The following TNFAIP8L3 variants were observed in gnomAD, a reference collection of about 807,000 sequenced individuals.
TNFAIP8L3 encodes TNF alpha induced protein 8 like 3, also known as tumor necrosis factor alpha-induced protein 8-like protein 3.
A neutral mutation model predicts 11.8 loss-of-function variants in TNFAIP8L3; 7 were observed. That is an observed-to-expected ratio of 0.59 (90% confidence interval 0.34 to 1.11). TNFAIP8L3 has a LOEUF of 1.11. TNFAIP8L3 is among the 50% of genes most tolerant of loss of function. The pLI, the probability that TNFAIP8L3 is intolerant of heterozygous loss-of-function variation, is 0.03. For synonymous variants in TNFAIP8L3, 98 were observed against 103.8 expected (o/e 0.94, Z 0.34); for missense variants, 219 against 258.6 (o/e 0.85, Z 1.05).
chr15:51,058,044 C>G lies in TNFAIP8L3; in HGVS notation c.452G>C (p.Arg151Pro), dbSNP rs149611843. The stretch of plus-strand genomic sequence containing the variant: ...CCCGTGGGTCCTGGGCGTCAGGTGC[C>G]GCTGCACCAGTTCATGCACCAGGTC... ...CKDLVHELVQ[R>P]HLTPRTHGRI... Residue 151 changes from arginine (R) to proline (P), a missense_variant, in exon 2 of 2, where the codon CGG (arginine) becomes CCG (proline). By Grantham distance (103) the Arg-to-Pro change is moderately radical. Coordinates refer to ENST00000637513, the MANE Select transcript of TNFAIP8L3 (RefSeq NM_001311175.2). The G allele has an allele frequency of 6.2e-7, 1 of 1,613,954 alleles. No individual in the cohort carries two copies. The highest frequency in any genetic ancestry group is 8.5e-7 in the Non-Finnish European group (1 of 1,180,008).
At chr15:51,072,209 C>T (rs949519658) in intron 1 of TNFAIP8L3, among the ~76,000 whole-genome samples, 1 of 152,058 alleles carries the variant, frequency 6.6e-6, no homozygotes, top group South Asian at 2.1e-4. Context: ...GGCACGATCT[C>T]GGCTCACCGC....
At position 51,058,343 on chromosome 15, in the gene TNFAIP8L3, G is replaced by T; in HGVS notation, c.153C>A (p.Asp51Glu). ...GCTCATCAAAGATCTCGCTGCTGGT[G>T]TCATCAATCAACATGTTGGCCACAG... Reference protein sequence around the residue: ...SKTVANMLIDDTSSEIFDELY... With the variant: ...SKTVANMLIDETSSEIFDELY... The change falls in exon 2 of 2, where the codon GAC (aspartate) becomes GAA (glutamate). Residue 51 changes from aspartate to glutamate, a missense_variant. Asp to Glu is a conservative substitution (Grantham distance 45). Coordinates refer to ENST00000637513, the MANE Select transcript of TNFAIP8L3 (RefSeq NM_001311175.2). The T allele has an allele frequency of 6.2e-7, 1 of 1,614,136 alleles. No individual in the cohort carries two copies. Among genetic ancestry groups the T allele is most frequent in the Non-Finnish European group, 8.5e-7 (1 of 1,180,042 alleles).
intron 1 of TNFAIP8L3, among the ~76,000 whole-genome samples, chr15:51,068,266 C>T (rs1397399779): frequency 1.3e-5 from 2 of 152,096 alleles, no homozygotes; most frequent in African/African-American, 2.4e-5. Flanking sequence ...GAGGTGCCAC[C>T]AACTGAAATG....
intron 1 of TNFAIP8L3, among the ~76,000 whole-genome samples, chr15:51,064,337 A>G (rs191417383): frequency 1.2e-3 from 176 of 152,318 alleles, no homozygotes; most frequent in Non-Finnish European, 1.6e-3. Context: ...GTAGATGACA[A>G]TATATCATGG....
chr15:51,092,238 A>C (rs2140981516), intron 1 of TNFAIP8L3, among the ~76,000 whole-genome samples: 1 of 152,366 alleles, frequency 6.6e-6, no homozygotes, highest in South Asian at 2.1e-4. Flanking sequence ...AAGTACTCCA[A>C]GAGGTCCCAC....
At chr15:51,085,367 C>A (rs1180351033) in intron 1 of TNFAIP8L3, among the ~76,000 whole-genome samples, 1 of 152,108 alleles carries the variant, frequency 6.6e-6, no homozygotes, top group Non-Finnish European at 1.5e-5. Context: ...ATGCATTAAT[C>A]TTCTGAGGGC....
At chr15:51,059,798 C>A in intron 1 of TNFAIP8L3, among the ~76,000 whole-genome samples, 1 of 152,226 alleles carries the variant, frequency 6.6e-6, no homozygotes, top group East Asian at 1.9e-4. Context: ...GCTTTGTGTC[C>A]ACACAGGAGT....
intron 1 of TNFAIP8L3, among the ~76,000 whole-genome samples, chr15:51,100,525 T>C (rs2065543043): frequency 6.6e-6 from 1 of 152,222 alleles, no homozygotes; most frequent in Non-Finnish European, 1.5e-5. Flanking sequence ...ATGTGGGTCT[T>C]AGTTGTCCAT....
chr15:51,075,411 G>A (rs552267784), intron 1 of TNFAIP8L3, among the ~76,000 whole-genome samples: 1 of 152,224 alleles, frequency 6.6e-6, no homozygotes, highest in South Asian at 2.1e-4. Flanking sequence ...GCCACCCCTG[G>A]AGCCTCCCCA....
chr15:51,105,189 G>A (rs140833369), exon 1 of TNFAIP8L3: 2 of 1,612,552 alleles, frequency 1.2e-6, no homozygotes, highest in East Asian at 2.2e-5. Context: ...GGACTCAGGT[G>A]TCCTTCTTGG....
At chr15:51,098,329 C>T (rs1262402120), upstream of TNFAIP8L3, among the ~76,000 whole-genome samples, 1 of 152,174 alleles carries the variant, frequency 6.6e-6, no homozygotes, top group Non-Finnish European at 1.5e-5. Flanking sequence ...CTTTGAAAAC[C>T]CACCAGCTCT....
At chr15:51,079,632 C>T (rs2065377575) in intron 1 of TNFAIP8L3, among the ~76,000 whole-genome samples, 1 of 152,206 alleles carries the variant, frequency 6.6e-6, no homozygotes, top group Non-Finnish European at 1.5e-5. Context: ...TGCTCTGTCA[C>T]TTCTTTTCTT....
intron 1 of TNFAIP8L3, among the ~76,000 whole-genome samples, chr15:51,059,157 T>G (rs1395226847): frequency 6.6e-6 from 1 of 152,216 alleles, no homozygotes; most frequent in Non-Finnish European, 1.5e-5. Flanking sequence ...AGAGTTGTAC[T>G]GTGGGAACAC....
chr15:51,067,595 G>A (rs1003254522), intron 1 of TNFAIP8L3, among the ~76,000 whole-genome samples: 1 of 152,240 alleles, frequency 6.6e-6, no homozygotes, highest in Non-Finnish European at 1.5e-5. Flanking sequence ...TCTGAGGGAT[G>A]AGGGAAACAT....
At chr15:51,078,598 C>T (rs1254898856) in intron 1 of TNFAIP8L3, among the ~76,000 whole-genome samples, 1 of 152,036 alleles carries the variant, frequency 6.6e-6, no homozygotes, top group Non-Finnish European at 1.5e-5. Context: ...CTGACCCCTG[C>T]CCCGCATGTT....
intron 1 of TNFAIP8L3, among the ~76,000 whole-genome samples, chr15:51,093,290 C>T (rs2065486189): frequency 6.6e-6 from 1 of 152,234 alleles, no homozygotes; most frequent in African/African-American, 2.4e-5. Flanking sequence ...GGGCCACAGC[C>T]ACCCTCTGTG....
At chr15:51,082,044 ATT>A (rs370927669) in intron 1 of TNFAIP8L3, among the ~76,000 whole-genome samples, 77 of 143,784 alleles carry the variant, frequency 5.4e-4, no homozygotes, top group African/African-American at 5.6e-4. Flanking sequence ...GAAAGAGTGA[ATT>A]TTTTTTTTTT....
rs1382537888 is a variant in TNFAIP8L3, at chr15:51,056,692, C to T, written c.*1189G>A. On this transcript the variant is annotated 3_prime_UTR_variant, in exon 2 of 2. Transcript: ENST00000637513. The stretch of plus-strand genomic sequence containing the variant: ...AAAGATGGGTAGGGGTTCATTCTGC[C>T]TGATTCTCCCGTGCATATGGAATAA... 1 of 152,012 alleles carries T rather than the reference C, an allele frequency of 6.6e-6. No individual in the cohort carries two copies. Among genetic ancestry groups the T allele is most frequent in the Non-Finnish European group, 1.5e-5 (1 of 68,012 alleles). The allele number at this position is 152,012 out of a possible 1,614,324, so 9.4% of individuals were successfully genotyped here. A position where few individuals can be genotyped will look rare whatever the true frequency, so the allele number is the denominator to read the frequency against.
In TNFAIP8L3 at chr15:51,057,977, G is replaced by A; in HGVS notation, c.519C>T (p.Phe173=). The A allele has an allele frequency of 6.2e-7, 1 of 1,614,152 alleles. No individual in the cohort carries two copies. Among genetic ancestry groups the A allele is most frequent in the Non-Finnish European group, 8.5e-7 (1 of 1,179,994 alleles). Residue 173 remains phenylalanine, a synonymous_variant, in exon 2 of 2, where the codon TTC becomes TTT. Transcript: ENST00000637513. ...HVFNHFADVE[F]LSTLYSLDGD... ...CATCCAGACTATAGAGGGTGGAGAG[G>A]AACTCCACATCGGCAAAGTGGTTAA...
Sources: gnomAD v4.1 joint callset for allele counts (sites outside exome capture counted in the v4.1 genomes callset) on GRCh38, gnomAD v4.1.1 for gene constraint, MANE v1.5 for transcripts, NCBI Gene and HGNC (gene_info 2026-07-23, HGNC 2026-07-21) for gene names.